SEMA6B: variants seen among roughly 807,000 people sequenced by gnomAD.
SEMA6B encodes the protein semaphorin-6B.
In SEMA6B, 47 loss-of-function variants were observed where a neutral mutation model predicts 78.6. The observed-to-expected ratio is 0.60, with a 90% confidence interval of 0.47 to 0.76. The LOEUF (loss-of-function observed/expected upper bound fraction) is 0.76. Among genes scored for constraint, SEMA6B ranks in the 30% least tolerant of loss-of-function variants. The probability of loss-of-function intolerance (pLI) is 0.00; values close to 1 mark genes in which losing one functional copy is unlikely to be tolerated. For synonymous variants in SEMA6B, 632 were observed against 592.2 expected (o/e 1.07, Z -0.98); for missense variants, 1,213 against 1,269.9 (o/e 0.96, Z 0.68).
intron 10 of SEMA6B, among the ~76,000 whole-genome samples, chr19:4,551,763 A>G (rs1977338712): frequency 6.6e-6 from 1 of 150,898 alleles, no homozygotes; most frequent in African/African-American, 2.4e-5. Flanking sequence ...CAGGAGGCAG[A>G]GGTTGTGGTG....
Position 4,546,149 on chromosome 19 carries a change from C to A in SEMA6B, c.1738+67G>T. ...CCCAGAGGATTCGAGGGTCCTCCAG[C>A]CTCCTCCCTCCCCTCCCCCATGGTA... On this transcript the variant is annotated intron_variant, in intron 16 of 16. Coordinates refer to ENST00000586582, the MANE Select transcript of SEMA6B (RefSeq NM_032108.4). 2.0e-6 allele frequency: 3 copies of A among 1,465,940 alleles called. No individual in the cohort carries two copies. The South Asian group carries it at 3.8e-5, about 18-fold the overall frequency. 90.8% of individuals were successfully genotyped at this position (1,465,940 alleles called of 1,614,324 possible). A position where few individuals can be genotyped will look rare whatever the true frequency, so the allele number is the denominator to read the frequency against.
In SEMA6B at chr19:4,544,458, C is replaced by A; in HGVS notation, c.1810G>T (p.Val604Leu). The A allele has an allele frequency of 6.2e-7, 1 of 1,600,066 alleles. No individual in the cohort carries two copies. Among genetic ancestry groups the A allele is most frequent in the Non-Finnish European group, 8.5e-7 (1 of 1,174,212 alleles). Residue 604 changes from valine (V) to leucine (L), a missense_variant, in exon 17 of 17, where the codon GTG (valine) becomes TTG (leucine). Physicochemically the swap from Val to Leu is conservative, Grantham distance 32 (BLOSUM62 1). Transcript: ENST00000586582. This position sits in a 1 kb window ranked among gnomAD's most constrained non-coding sequence, Gnocchi z 5.1. ...VSVNLLVTSS[V>L]AAFVVGAVVS... ...ACGGCTCCCACCACGAAGGCCGCCA[C>A]CGACGACGTTACCAGCAGGTTCACC...
chr19:4,554,293 T>A (rs1977412274), intron 9 of SEMA6B, 95 bp downstream of exon 9: 1 of 991,334 alleles, frequency 1.0e-6, no homozygotes, highest in Non-Finnish European at 1.6e-6. Context: ...GGCAGGACCC[T>A]CTCACCCCAT....
rs1432482750 is a variant in SEMA6B, at chr19:4,555,987, C to T, written c.471+1G>A. On this transcript the variant is annotated splice_donor_variant, in intron 6 of 16. Coordinates refer to ENST00000586582, the MANE Select transcript of SEMA6B (RefSeq NM_032108.4). LOFTEE classifies it high-confidence loss of function. The surrounding 1 kb of genome is among the most constrained non-coding windows in gnomAD (Gnocchi z 6.1). ...GGGGCGCAGGGAGTCTGAAGACTCACGCTGTAGTTGGCGCACACCGGGTTG... is the reference window on the plus strand; with the variant it reads ...GGGGCGCAGGGAGTCTGAAGACTCATGCTGTAGTTGGCGCACACCGGGTTG... 2.5e-6 allele frequency: 4 copies of T among 1,612,510 alleles called. No individual in the cohort carries two copies. The highest frequency in any genetic ancestry group is 1.3e-5 in the African/African-American group (1 of 74,856).
Position 4,558,445 on chromosome 19 carries a change from G to C in SEMA6B, c.13C>G (p.Arg5Gly). The C allele has an allele frequency of 8.0e-7, 1 of 1,249,126 alleles. No individual in the cohort carries two copies. Among genetic ancestry groups the C allele is most frequent in the Non-Finnish European group, 1.0e-6 (1 of 991,172 alleles). 77.4% of individuals were successfully genotyped at this position (1,249,126 alleles called of 1,614,324 possible). A position where few individuals can be genotyped will look rare whatever the true frequency, so the allele number is the denominator to read the frequency against. MQTP[R>G]ASPPRPALLL... ...AGGGCCGGGCGGGGAGGGGACGCTCGCGGGGTCTGCATGGCGAGGGCCAGG... is the reference window on the plus strand; with the variant it reads ...AGGGCCGGGCGGGGAGGGGACGCTCCCGGGGTCTGCATGGCGAGGGCCAGG... Residue 5 changes from arginine to glycine, a missense_variant, in exon 2 of 17, where the codon CGA becomes GGA. Physicochemically the swap from Arg to Gly is moderately radical, Grantham distance 125. Coordinates refer to ENST00000586582, the MANE Select transcript of SEMA6B (RefSeq NM_032108.4). The surrounding 1 kb of genome is among the most constrained non-coding windows in gnomAD (Gnocchi z 5.1).
chr19:4,546,242 C>T lies in SEMA6B; in HGVS notation c.1712G>A (p.Ser571Asn). 1.2e-6 allele frequency: 2 copies of T among 1,612,922 alleles called. No individual in the cohort carries two copies. The highest frequency in any genetic ancestry group is 1.7e-6 in the Non-Finnish European group (2 of 1,179,896). The change falls in exon 16 of 17, where the codon AGC becomes AAC. Residue 571 changes from serine to asparagine, a missense_variant. Transcript: ENST00000586582. ...TGTGCAGTCCCCTAAGCCTGAGGTG[C>T]TGGCCCCGGACACGTCCTGCTCAAA... ...AAFEQDVSGA[S>N]TSGLGDCTGL... is the part of the protein sequence containing the mutation.
chr19:4,557,125 G>A, intron 4 of SEMA6B, 38 bp downstream of exon 4: 1 of 1,594,522 alleles, frequency 6.3e-7, no homozygotes, highest in Non-Finnish European at 8.6e-7. Flanking sequence ...CGTCCCCCTG[G>A]CCCTACCCCT....
rs766409201 is a variant in SEMA6B, at chr19:4,556,048, G to C, written c.411C>G (p.Asp137Glu). 4 of 1,614,144 alleles carry C rather than the reference G, an allele frequency of 2.5e-6. No individual in the cohort carries two copies. In the Admixed American group the frequency reaches 5.0e-5, roughly 20 times the overall value. Residue 137 changes from aspartate to glutamate, a missense_variant, in exon 6 of 17, where the codon GAC becomes GAG. Coordinates refer to ENST00000586582, the MANE Select transcript of SEMA6B (RefSeq NM_032108.4). ...RNFVKVLLLR[D>E]ESTLFVCGSN... Reference sequence around the variant, plus strand: ...AACCGCACACAAAGAGCGTGGACTCGTCCCGAAGGAGCAGCACCTTTACGA... The same window carrying C: ...AACCGCACACAAAGAGCGTGGACTCCTCCCGAAGGAGCAGCACCTTTACGA...
chr19:4,555,519 G>A lies in SEMA6B; in HGVS notation c.517C>T (p.Arg173Cys). 4 of 1,613,552 alleles carry A rather than the reference G, an allele frequency of 2.5e-6. No individual in the cohort carries two copies. Among genetic ancestry groups the A allele is most frequent in the Admixed American group, 1.7e-5 (1 of 59,848 alleles). Residue 173 changes from arginine (R) to cysteine (C), a missense_variant, in exon 7 of 17, where the codon CGC becomes TGC. Physicochemically the swap from Arg to Cys is radical, Grantham distance 180. Coordinates refer to ENST00000586582, the MANE Select transcript of SEMA6B (RefSeq NM_032108.4). This position sits in a 1 kb window ranked among gnomAD's most constrained non-coding sequence, Gnocchi z 6.1. ...GCGTGCTTGGGGTCGTACGGGCAGC[G>A]GGCCATACCGCTGATGTTGTCTCCG... ...PVGDNISGMA[R>C]CPYDPKHANV...
In SEMA6B at chr19:4,550,057, A is replaced by G. The variant is rs946925440; in HGVS notation, c.1271+66T>C. 4.6e-6 allele frequency: 7 copies of G among 1,529,656 alleles called. No individual in the cohort carries two copies. In the African/African-American group the frequency reaches 6.8e-5, roughly 15 times the overall value. 94.8% of individuals were successfully genotyped at this position (1,529,656 alleles called of 1,614,324 possible). A position where few individuals can be genotyped will look rare whatever the true frequency, so the allele number is the denominator to read the frequency against. Reference sequence around the variant, plus strand: ...GGGCTCATCTGTGTTGAGCATCTGGATCCTCTCACCCTCCATCTACCCCAT... The same window carrying G: ...GGGCTCATCTGTGTTGAGCATCTGGGTCCTCTCACCCTCCATCTACCCCAT... On this transcript the variant is annotated intron_variant, in intron 12 of 16. Transcript: ENST00000586582. The surrounding 1 kb of genome is among the most constrained non-coding windows in gnomAD (Gnocchi z 6.6).
Position 4,550,965 on chromosome 19 carries a change from G to A in SEMA6B, c.990-35C>T, listed in dbSNP as rs535212319. On this transcript the variant is annotated intron_variant, in intron 10 of 16. Transcript: ENST00000586582. The surrounding 1 kb of genome is among the most constrained non-coding windows in gnomAD (Gnocchi z 6.6). ...TGGGATGAAAGAGTTTGGTGAGCCC[G>A]GTGGGAGGCCCCATCTCGGACAAGT... 4.4e-5 allele frequency: 71 copies of A among 1,610,792 alleles called. No individual in the cohort carries two copies. Among genetic ancestry groups the A allele is most frequent in the Middle Eastern group, 1.7e-4 (1 of 5,986 alleles).
rs1977354917 is a variant in SEMA6B, at chr19:4,552,411, T to C, written c.989+11A>G. The stretch of plus-strand genomic sequence containing the variant: ...AATGCTCCCAGTTTGCTCCCATTGG[T>C]GGGCGCTGACCTGTTGCTGGGCGTG... On this transcript the variant is annotated intron_variant, in intron 10 of 16. Transcript: ENST00000586582. The surrounding 1 kb of genome is among the most constrained non-coding windows in gnomAD (Gnocchi z 7.4). 2 of 1,563,210 alleles carry C rather than the reference T, an allele frequency of 1.3e-6. No homozygotes were observed. The highest frequency in any genetic ancestry group is 1.7e-6 in the Non-Finnish European group (2 of 1,154,122).
rs1476592853 is a variant in SEMA6B at position 4,558,932 on chromosome 19, G to A, written c.-32-443C>T. ...AAGCTGGCTGTGTGTGGTGGCTCAC[G>A]CCTGTAATCCCAACATTTTGGGAGG... On this transcript the variant is annotated intron_variant, in intron 1 of 16. Coordinates refer to ENST00000586582, the MANE Select transcript of SEMA6B (RefSeq NM_032108.4). This position sits in a 1 kb window ranked among gnomAD's most constrained non-coding sequence, Gnocchi z 5.1. 2.0e-5 allele frequency among the ~76,000 whole-genome samples: 3 copies of A among 151,424 alleles called. No individual in the cohort carries two copies. The highest frequency in any genetic ancestry group is 2.9e-5 in the Non-Finnish European group (2 of 67,890).
At position 4,555,123 on chromosome 19, in the gene SEMA6B, C is replaced by T. The variant is rs777889730; in HGVS notation, c.563-28G>A. 1.2e-6 allele frequency: 2 copies of T among 1,611,912 alleles called. No individual in the cohort carries two copies. ...GGATGGGGTGGGTGGGGAAGGCAGGCAAGAGATGAGACCGCAGAGGCCAGG... is the reference window on the plus strand; with the variant it reads ...GGATGGGGTGGGTGGGGAAGGCAGGTAAGAGATGAGACCGCAGAGGCCAGG... On this transcript the variant is annotated intron_variant, in intron 7 of 16. Coordinates refer to ENST00000586582, the MANE Select transcript of SEMA6B (RefSeq NM_032108.4). This position sits in a 1 kb window ranked among gnomAD's most constrained non-coding sequence, Gnocchi z 6.1.
chr19:4,557,046 G>C (rs772889633), intron 4 of SEMA6B, 33 bp from the exon 5 acceptor site: 1 of 1,605,354 alleles, frequency 6.2e-7, no homozygotes. Flanking sequence ...AGGGGGTAAC[G>C]GGTCCCAGCA....
Position 4,548,107 on chromosome 19 carries a change from C to A in SEMA6B, c.1521G>T (p.Ser507=). The A allele has an allele frequency of 2.5e-6, 4 of 1,590,716 alleles. No homozygotes were observed. Among genetic ancestry groups the A allele is most frequent in the Non-Finnish European group, 2.6e-6 (3 of 1,173,610 alleles). ...GGGGGAAGGCAGCCAGCAGGCCCCC[C>A]GAAGCTGCGTCCAGCTCCAAGCTCA... is the stretch of plus-strand genomic sequence containing the variant. ...RLLSLELDAA[S]GGLLAAFPRC... The change falls in exon 14 of 17, where the codon TCG becomes TCT. Residue 507 remains serine (S), a synonymous_variant. Transcript: ENST00000586582.
Position 4,543,081 on chromosome 19 carries a change from GCA to G in SEMA6B, c.*518_*519del, listed in dbSNP as rs1315040899. On this transcript the variant is annotated 3_prime_UTR_variant, in exon 17 of 17. Transcript: ENST00000586582. ...CGCCCACAGCAGCCTTCGCTGGCAC[GCA>G]CACACACGCCCACCTCCCCGGCCCC... is the stretch of plus-strand genomic sequence containing the variant. 1.7e-5 allele frequency: 11 copies of G among 637,558 alleles called. No homozygotes were observed. Among genetic ancestry groups the G allele is most frequent in the South Asian group, 1.7e-5 (1 of 57,756 alleles). The allele number at this position is 637,558 out of a possible 1,614,324, so 39.5% of individuals were successfully genotyped here. A position where few individuals can be genotyped will look rare whatever the true frequency, so the allele number is the denominator to read the frequency against.
chr19:4,545,972 C>T (rs1383965191), intron 16 of SEMA6B: 48 of 316,476 alleles, frequency 1.5e-4, no homozygotes, highest in Non-Finnish European at 7.7e-5. Context: ...GGGGTTTCAC[C>T]GTGTTAGCCA....
At position 4,549,299 on chromosome 19, in the gene SEMA6B, C is replaced by CTTTTT. The variant is rs55771429; in HGVS notation, c.1271+819_1271+823dup. On this transcript the variant is annotated intron_variant, in intron 12 of 16. Coordinates refer to ENST00000586582, the MANE Select transcript of SEMA6B (RefSeq NM_032108.4). ...CTGGTGTGTGTCTGTCTGTCTACCT[C>CTTTTT]TTTTTTTTTTTTTTTTTTTTTGAGG... Among the ~76,000 whole-genome samples the CTTTTT allele has an allele frequency of 7.3e-4, 72 of 98,572 alleles. 2 individuals carry two copies. The highest frequency in any genetic ancestry group is 4.2e-3 in the East Asian group (12 of 2,882). The allele number at this position is 98,572 out of a possible 152,430, so 64.7% of individuals were successfully genotyped here. A position where few individuals can be genotyped will look rare whatever the true frequency, so the allele number is the denominator to read the frequency against.
Sources: gnomAD v4.1 joint callset for allele counts (sites outside exome capture counted in the v4.1 genomes callset) on GRCh38, gnomAD v4.1.1 for gene constraint, Gnocchi (gnomAD v3.1) non-coding constraint, MANE v1.5 for transcripts, NCBI Gene and HGNC (gene_info 2026-07-23, HGNC 2026-07-21) for gene names.